Variants in RANBP2 observed in about 807,000 individuals in gnomAD.
The protein encoded by RANBP2 is RAN binding protein 2, also known as E3 SUMO-protein ligase RanBP2.
Under a neutral mutation model 303.6 loss-of-function variants are expected in RANBP2, and 57 were observed. The ratio of observed to expected loss-of-function variants is 0.19; its 90% CI spans 0.15 to 0.23. The LOEUF (loss-of-function observed/expected upper bound fraction) is 0.23, where lower values mean the gene tolerates loss of function less well. Among genes scored for constraint, RANBP2 ranks in the 10% least tolerant of loss-of-function variants. The probability of loss-of-function intolerance (pLI) is 1.00; values close to 1 mark genes in which losing one functional copy is unlikely to be tolerated. For missense variants in RANBP2, 3,138 were observed against 3,780.8 expected, an observed-to-expected ratio of 0.83 and a Z score of 4.46; for synonymous variants, 1,167 against 1,301.5, an observed-to-expected ratio of 0.90 and a Z score of 2.23.
the RANBP2 span, among the ~76,000 whole-genome samples, chr2:108,799,385 A>C: frequency 6.6e-6 from 1 of 152,134 alleles, no homozygotes; most frequent in South Asian, 2.1e-4. Context: ...CAGTTTTGTA[A>C]TCACAACCAT....
the RANBP2 span, among the ~76,000 whole-genome samples, chr2:109,471,108 T>A: frequency 4.8e-5 from 7 of 146,880 alleles, no homozygotes; most frequent in Non-Finnish European, 7.4e-5. Flanking sequence ...TAATCCCAGC[T>A]ACTTGGGAGG....
chr2:109,683,229 C>T, the RANBP2 span, among the ~76,000 whole-genome samples: 1 of 152,156 alleles, frequency 6.6e-6, no homozygotes, highest in Non-Finnish European at 1.5e-5. Context: ...TGGTCTCGAA[C>T]TCCTGACCTC....
chr2:108,721,716 G>A (rs1230406815), intron 1 of RANBP2, among the ~76,000 whole-genome samples: 1 of 151,674 alleles, frequency 6.6e-6, no homozygotes, highest in African/African-American at 2.4e-5. Flanking sequence ...CAAAGTGTTG[G>A]GATTATAGGC....
the RANBP2 span, among the ~76,000 whole-genome samples, chr2:108,889,514 A>G: frequency 6.6e-6 from 1 of 151,984 alleles, no homozygotes; most frequent in East Asian, 1.9e-4. Context: ...CTCTTGCTGG[A>G]TTGATCCCTT....
the RANBP2 span, among the ~76,000 whole-genome samples, chr2:109,240,835 C>G: frequency 6.6e-6 from 1 of 151,862 alleles, no homozygotes; most frequent in African/African-American, 2.4e-5. Context: ...TACTGGACTC[C>G]TGACACCCCC....
chr2:109,733,179 T>TTA, the RANBP2 span: 2 of 146,206 alleles, frequency 1.4e-5, no homozygotes, highest in Non-Finnish European at 2.9e-5. Flanking sequence ...CTAGGTCAAA[T>TTA]GAAAAAAAAA....
At chr2:108,871,834 C>T in the RANBP2 span, among the ~76,000 whole-genome samples, 2 of 152,042 alleles carry the variant, frequency 1.3e-5, no homozygotes, top group South Asian at 4.1e-4. Flanking sequence ...CATAGTTTAT[C>T]TTTTTACCTT....
the RANBP2 span, chr2:109,564,444 C>G: frequency 6.3e-7 from 1 of 1,598,872 alleles, no homozygotes. Flanking sequence ...CTCATAGTGC[C>G]TGGTATGGGT....
At chr2:109,614,910 G>A in the RANBP2 span, 3 of 1,451,564 alleles carry the variant, frequency 2.1e-6, no homozygotes, top group Non-Finnish European at 2.7e-6. Context: ...AGAGCCCCCC[G>A]CCCCCGCGCA....
chr2:109,592,054 G>C, the RANBP2 span, among the ~76,000 whole-genome samples: 3 of 152,124 alleles, frequency 2.0e-5, no homozygotes, highest in African/African-American at 7.2e-5. Context: ...CAGACCCTTA[G>C]AAGCATAAGG....
chr2:108,833,864 A>T, the RANBP2 span, among the ~76,000 whole-genome samples: 1 of 146,378 alleles, frequency 6.8e-6, no homozygotes, highest in Non-Finnish European at 1.5e-5. Flanking sequence ...AGTAGCTGGG[A>T]CTACAGGCGC....
chr2:108,917,921 G>C, the RANBP2 span, among the ~76,000 whole-genome samples: 1 of 151,832 alleles, frequency 6.6e-6, no homozygotes, highest in Non-Finnish European at 1.5e-5. Flanking sequence ...TTTTCCAGGC[G>C]AGTCAGAAAA....
chr2:109,450,072 G>A, the RANBP2 span, among the ~76,000 whole-genome samples: 6,870 of 152,198 alleles, frequency 0.045, 462 homozygotes, highest in African/African-American at 0.14. Flanking sequence ...TGGGCCAGGC[G>A]TGGTGGCTCA....
At chr2:109,121,022 G>A in the RANBP2 span, among the ~76,000 whole-genome samples, 2 of 152,088 alleles carry the variant, frequency 1.3e-5, no homozygotes, top group African/African-American at 2.4e-5. Context: ...CGAGGTGGGC[G>A]GATCACAAGG....
chr2:109,349,668 G>C, the RANBP2 span, among the ~76,000 whole-genome samples: 4 of 152,212 alleles, frequency 2.6e-5, no homozygotes, highest in Non-Finnish European at 5.9e-5. Flanking sequence ...CTGCAGAGCC[G>C]AGGCCCTCCT....
the RANBP2 span, among the ~76,000 whole-genome samples, chr2:109,594,382 C>G: frequency 1.5e-4 from 23 of 152,222 alleles, no homozygotes; most frequent in Admixed American, 9.2e-4. Context: ...CAGACCCTTA[C>G]GCATCCTTCC....
At chr2:109,565,724 G>A in the RANBP2 span, 1 of 1,508,190 alleles carries the variant, frequency 6.6e-7, no homozygotes, top group Non-Finnish European at 9.2e-7. Flanking sequence ...GAGATTACTA[G>A]ATAGATACAT....
At chr2:109,449,086 T>C in the RANBP2 span, 1 of 1,473,762 alleles carries the variant, frequency 6.8e-7, no homozygotes. Flanking sequence ...GAAGGGAGCC[T>C]GAGTGTGCAT....
the RANBP2 span, chr2:109,593,108 A>G: frequency 7.5e-6 from 12 of 1,597,636 alleles, no homozygotes; most frequent in African/African-American, 1.3e-5. Flanking sequence ...TTGCCATGTG[A>G]GACTGAAAGA....
Sources: gnomAD v4.1 joint callset for allele counts (sites outside exome capture counted in the v4.1 genomes callset) on GRCh38, gnomAD v4.1.1 for gene constraint, MANE v1.5 for transcripts, NCBI Gene and HGNC (gene_info 2026-07-23, HGNC 2026-07-21) for gene names.